GPR4: variants seen among roughly 807,000 people sequenced by gnomAD.
GPR4 encodes the protein G-prodeshotein coupled receptor 4.
A neutral mutation model predicts 17.8 loss-of-function variants in GPR4; 11 were observed. That is an observed-to-expected ratio of 0.62 (90% CI 0.39 to 1.02). GPR4 has a LOEUF of 1.02. Among genes scored for constraint, GPR4 ranks in the 50% least tolerant of loss-of-function variants. GPR4 has a pLI of 0.00. For synonymous variants in GPR4, 219 were observed against 222.8 expected, an observed-to-expected ratio of 0.98 and a Z score of 0.15; for missense variants, 364 against 495.4, an observed-to-expected ratio of 0.73 and a Z score of 2.52.
At chr19:45,599,131 C>T (rs147091550) in intron 1 of GPR4, among the ~76,000 whole-genome samples, 1 of 152,278 alleles carries the variant, frequency 6.6e-6, no homozygotes, top group Non-Finnish European at 1.5e-5. Context: ...CTGGCCCCTT[C>T]CAGAGAGTCG....
chr19:45,595,622 T>G (rs1970050500), intron 1 of GPR4, among the ~76,000 whole-genome samples: 2 of 152,134 alleles, frequency 1.3e-5, no homozygotes, highest in South Asian at 4.1e-4. Context: ...ACCAAGCCCC[T>G]GACTATCATC....
At position 45,591,841 on chromosome 19, in the gene GPR4, C is replaced by A; in HGVS notation, c.26G>T (p.Cys9Phe). The A allele has an allele frequency of 6.3e-7, 1 of 1,575,474 alleles. No individual in the cohort carries two copies. Among genetic ancestry groups the A allele is most frequent in the Non-Finnish European group, 8.6e-7 (1 of 1,156,816 alleles). The part of the protein sequence containing the change: MGNHTWEG[C>F]HVDSRVDHLF... ...GTGGTCCACGCGCGAGTCCACGTGG[C>A]AGCCCTCCCACGTGTGGTTGCCCAT... The change falls in exon 2 of 2, where the codon TGC becomes TTC. Residue 9 changes from cysteine to phenylalanine, a missense_variant. Physicochemically the swap from Cys to Phe is radical, Grantham distance 205. Transcript: ENST00000323040. The surrounding 1 kb of genome is among the most constrained non-coding windows in gnomAD (Gnocchi z 7.6).
intron 1 of GPR4, among the ~76,000 whole-genome samples, chr19:45,594,092 A>ATTTTT (rs1427359887): frequency 8.2e-6 from 1 of 122,078 alleles, no homozygotes; most frequent in South Asian, 2.6e-4. Context: ...ATATATATAT[A>ATTTTT]TAAAATAGAT....
Position 45,590,823 on chromosome 19 carries a change from G to A in GPR4, c.1044C>T (p.Ser348=), listed in dbSNP as rs36028976. 751 of 1,605,230 alleles carry A rather than the reference G, an allele frequency of 4.7e-4. 12 individuals are homozygous for A. In the East Asian group the frequency reaches 0.017, roughly 36 times the overall value. ...TCTTCAGCTGCACCTGGTCCCCCTG[G>A]GAGGGCGGAGTGGCCGCCCAGCTGC... is the stretch of plus-strand genomic sequence containing the variant. ...MTGSWAATPP[S]QGDQVQLKML... The change falls in exon 2 of 2, where the codon TCC becomes TCT. Residue 348 remains serine (S), a synonymous_variant. Transcript: ENST00000323040.
At chr19:45,599,428 C>CG (rs1454066918) in intron 1 of GPR4, among the ~76,000 whole-genome samples, 2 of 150,694 alleles carry the variant, frequency 1.3e-5, no homozygotes, top group African/African-American at 2.4e-5. Flanking sequence ...CTCCCACCAC[C>CG]CCCCCCTCCC....
In GPR4 at chr19:45,590,807, G is replaced by A; in HGVS notation, c.1060C>T (p.Gln354Ter). The change falls in exon 2 of 2, where the codon CAG becomes TAG. Residue 354 changes from glutamine (Q) to a stop codon, truncating the protein, a stop_gained. Transcript: ENST00000323040. LOFTEE classifies it high-confidence loss of function. ...ATPPSQGDQV[Q>*]LKMLPPAQ ...TGTGCTGGCGGCAGCATCTTCAGCT[G>A]CACCTGGTCCCCCTGGGAGGGCGGA... The A allele has an allele frequency of 6.3e-7, 1 of 1,586,566 alleles. No homozygotes were observed. The highest frequency in any genetic ancestry group is 8.6e-7 in the Non-Finnish European group (1 of 1,165,494).
At chr19:45,601,417 G>T (rs1033724493) in intron 1 of GPR4, among the ~76,000 whole-genome samples, 13 of 152,160 alleles carry the variant, frequency 8.5e-5, no homozygotes, top group African/African-American at 3.1e-4. Flanking sequence ...CGGGCGGGCT[G>T]GGTGCGACCT....
Position 45,591,933 on chromosome 19 carries a change from G to C in GPR4, c.-67C>G. 6.6e-7 allele frequency: 1 copy of C among 1,505,304 alleles called. No individual in the cohort carries two copies. The highest frequency in any genetic ancestry group is 8.9e-7 in the Non-Finnish European group (1 of 1,127,836). 93.2% of individuals were successfully genotyped at this position (1,505,304 alleles called of 1,614,324 possible). On this transcript the variant is annotated 5_prime_UTR_variant, in exon 2 of 2. Coordinates refer to ENST00000323040, the MANE Select transcript of GPR4 (RefSeq NM_005282.3). The surrounding 1 kb of genome is among the most constrained non-coding windows in gnomAD (Gnocchi z 7.6). ...GGGGCTGTGGGGCCACAGGGAGCGG[G>C]AGGCCATGGGGCCCCCTGAGCCCCT...
intron 1 of GPR4, among the ~76,000 whole-genome samples, chr19:45,595,765 A>T (rs566821873): frequency 1.3e-4 from 19 of 151,822 alleles, no homozygotes; most frequent in African/African-American, 2.9e-4. Flanking sequence ...ACAAGATCTT[A>T]ACCAGAAACC....
Position 45,590,469 on chromosome 19 carries a change from G to C in GPR4, c.*309C>G, listed in dbSNP as rs111942858. ...GGGAAGATCGCTGGAGAGCCCAGGA[G>C]GTGGAGGCTGCAGTGAGCCACGACT... is the stretch of plus-strand genomic sequence containing the variant. On this transcript the variant is annotated 3_prime_UTR_variant, in exon 2 of 2. Transcript: ENST00000323040. 7 of 293,772 alleles carry C rather than the reference G, an allele frequency of 2.4e-5. No individual in the cohort carries two copies. Among genetic ancestry groups the C allele is most frequent in the African/African-American group, 1.1e-4 (5 of 46,280 alleles). The allele number at this position is 293,772 out of a possible 1,614,324, so 18.2% of individuals were successfully genotyped here.
At chr19:45,594,046 TAAA>T (rs1177623997) in intron 1 of GPR4, among the ~76,000 whole-genome samples, 575 of 50,210 alleles carry the variant, frequency 0.011, 15 homozygotes, top group Non-Finnish European at 0.012. Flanking sequence ...ATGCCTGGCT[TAAA>T]AAAAAAAAAA....
chr19:45,595,088 C>T (rs1025340926), intron 1 of GPR4, among the ~76,000 whole-genome samples: 4 of 151,994 alleles, frequency 2.6e-5, no homozygotes, highest in African/African-American at 9.7e-5. Flanking sequence ...ACCAGCCTGA[C>T]CAACATGGAG....
Position 45,590,738 on chromosome 19 carries a change from G to A in GPR4, c.*40C>T. ...CAGACCAGGAGAGAAGGGACTGTGG[G>A]ATGAGAGGGGAAAACTGGGGATTCT... On this transcript the variant is annotated 3_prime_UTR_variant, in exon 2 of 2. Coordinates refer to ENST00000323040, the MANE Select transcript of GPR4 (RefSeq NM_005282.3). The A allele has an allele frequency of 1.3e-6, 2 of 1,532,658 alleles. No individual in the cohort carries two copies. The highest frequency in any genetic ancestry group is 2.3e-5 in the East Asian group (1 of 44,170). The allele number at this position is 1,532,658 out of a possible 1,614,324, so 94.9% of individuals were successfully genotyped here.
chr19:45,594,066 ATATATATAT>A (rs1568417205), intron 1 of GPR4, among the ~76,000 whole-genome samples: 6 of 32,610 alleles, frequency 1.8e-4, no homozygotes, highest in African/African-American at 1.4e-3. Flanking sequence ...AAAAAAAAAT[ATATATATAT>A]ATATATATAT....
At chr19:45,596,641 C>T (rs1385852006) in intron 1 of GPR4, among the ~76,000 whole-genome samples, 1 of 152,132 alleles carries the variant, frequency 6.6e-6, no homozygotes, top group African/African-American at 2.4e-5. Context: ...ACCTCATGGG[C>T]TCAAGCCATC....
In GPR4 at chr19:45,591,744, C is replaced by T. The variant is rs768884465; in HGVS notation, c.123G>A (p.Ala41=). 7 of 1,613,880 alleles carry T rather than the reference C, an allele frequency of 4.3e-6. No individual in the cohort carries two copies. The highest frequency in any genetic ancestry group is 3.3e-5 in the Admixed American group (2 of 60,014). The change falls in exon 2 of 2, where the codon GCG becomes GCA. Residue 41 remains alanine (A), a synonymous_variant. Transcript: ENST00000323040. This position sits in a 1 kb window ranked among gnomAD's most constrained non-coding sequence, Gnocchi z 7.6. Reference sequence around the variant, plus strand: ...TGCGCTGTTGCACCTGGCGGTAGGCCGCCCACAGAGCCAGGCAGTTGGTGG... The same window carrying T: ...TGCGCTGTTGCACCTGGCGGTAGGCTGCCCACAGAGCCAGGCAGTTGGTGG... ...GLPTNCLALW[A]AYRQVQQRNE...
Position 45,590,498 on chromosome 19 carries a change from C to G in GPR4, c.*280G>C, listed in dbSNP as rs2122538774. 2 of 376,554 alleles carry G rather than the reference C, an allele frequency of 5.3e-6. No homozygotes were observed. Among genetic ancestry groups the G allele is most frequent in the East Asian group, 8.8e-5 (2 of 22,736 alleles). The allele number at this position is 376,554 out of a possible 1,614,324, so 23.3% of individuals were successfully genotyped here. ...GAGGCTGCAGTGAGCCACGACTGCA[C>G]TACTGCACTCCAGCCTGGGCAACAC... On this transcript the variant is annotated 3_prime_UTR_variant, in exon 2 of 2. Transcript: ENST00000323040.
intron 1 of GPR4, among the ~76,000 whole-genome samples, chr19:45,598,540 T>C (rs1386445718): frequency 6.6e-6 from 1 of 152,066 alleles, no homozygotes; most frequent in Non-Finnish European, 1.5e-5. Context: ...TGCTGGCATC[T>C]TGCGGATGCT....
chr19:45,593,392 A>G (rs1393814939), intron 1 of GPR4, among the ~76,000 whole-genome samples: 1 of 150,592 alleles, frequency 6.6e-6, no homozygotes, highest in Non-Finnish European at 1.5e-5. Context: ...CCAGCTACAC[A>G]GGAGGCTGAG....
Sources: allele counts gnomAD v4.1 joint callset (sites outside exome capture counted in the v4.1 genomes callset), GRCh38; gene constraint gnomAD v4.1.1; non-coding constraint Gnocchi (gnomAD v3.1); transcripts MANE v1.5; gene names NCBI Gene and HGNC (gene_info 2026-07-23, HGNC 2026-07-21).